Variants in GOLGA3 observed in about 807,000 individuals in gnomAD.
GOLGA3 encodes golgin A3.
In GOLGA3, 75 loss-of-function variants were observed where a neutral mutation model predicts 169.4. The observed-to-expected ratio is 0.44, with a 90% CI of 0.37 to 0.54. GOLGA3 has a LOEUF of 0.54. GOLGA3 is among the 20% of genes least tolerant of loss of function. The pLI, the probability that GOLGA3 is intolerant of heterozygous loss-of-function variation, is 0.00. For missense variants in GOLGA3, 1,899 were observed against 1,930.0 expected, an observed-to-expected ratio of 0.98 and a Z score of 0.30; for synonymous variants, 824 against 822.4, an observed-to-expected ratio of 1.00 and a Z score of -0.03.
intron 2 of GOLGA3, among the ~76,000 whole-genome samples, chr12:132,821,331 CG>C (rs1202475037): frequency 6.6e-6 from 1 of 151,554 alleles, no homozygotes; most frequent in Non-Finnish European, 1.5e-5. Context: ...TGCTTGAACC[CG>C]GGAAGTGGAG....
At position 132,807,914 on chromosome 12, in the gene GOLGA3, A is replaced by ACTC; in HGVS notation, c.1152_1154dup (p.Arg384dup). 1 of 1,528,204 alleles carries ACTC rather than the reference A, an allele frequency of 6.5e-7. No homozygotes were observed. The highest frequency in any genetic ancestry group is 8.8e-7 in the Non-Finnish European group (1 of 1,130,886). 94.7% of individuals were successfully genotyped at this position (1,528,204 alleles called of 1,614,324 possible). On this transcript the variant is annotated inframe_insertion, in exon 5 of 24. Transcript: ENST00000450791. Reference sequence around the variant, plus strand: ...ACCTGCTGCAGATGCTGTCTCTCCGACTCCGCACCTCCCCGTTGACCTCCT... The same window carrying ACTC: ...ACCTGCTGCAGATGCTGTCTCTCCGACTCCTCCGCACCTCCCCGTTGACCTCCT...
At chr12:132,825,058 G>A (rs11830527) in intron 1 of GOLGA3, among the ~76,000 whole-genome samples, 3,596 of 152,296 alleles carry the variant, frequency 0.024, 134 homozygotes, top group African/African-American at 0.081. Flanking sequence ...GGACTCGACT[G>A]CGCCACTGAA....
chr12:132,791,427 C>G (rs1566094879), intron 11 of GOLGA3, 134 bp from the exon 12 acceptor site: 1 of 587,382 alleles, frequency 1.7e-6, no homozygotes, highest in Non-Finnish European at 3.0e-6. Context: ...GGAGGGGACA[C>G]ATCCTCACAG....
chr12:132,788,917 A>AAAGACCCCGCCC (rs2046070370), intron 13 of GOLGA3, 110 bp downstream of exon 13: 1 of 311,174 alleles, frequency 3.2e-6, no homozygotes. Context: ...CCCGACCCAG[A>AAAGACCCCGCCC]CAGACCCCGC....
intron 16 of GOLGA3, chr12:132,783,911 C>T: frequency 1.4e-6 from 2 of 1,431,192 alleles, no homozygotes; most frequent in Non-Finnish European, 1.8e-6. Flanking sequence ...AGCATTTGAA[C>T]TGAGAAGGGT....
In GOLGA3 at chr12:132,794,246, G is replaced by A. The variant is rs538661571; in HGVS notation, c.2469+1606C>T. 5.2e-4 allele frequency among the ~76,000 whole-genome samples: 79 copies of A among 151,614 alleles called. 2 individuals carry two copies. The highest frequency in any genetic ancestry group is 6.9e-3 in the Middle Eastern group (2 of 288). On this transcript the variant is annotated intron_variant, in intron 11 of 23. Transcript: ENST00000450791. ...GCAGTGGCTCACGCCTGTAATCCCAGCACTTCGGGAGGCTGAGGCGGGCAG... is the reference window on the plus strand; with the variant it reads ...GCAGTGGCTCACGCCTGTAATCCCAACACTTCGGGAGGCTGAGGCGGGCAG...
intron 5 of GOLGA3, 32 bp from the exon 6 acceptor site, chr12:132,807,320 G>T (rs769643546): frequency 8.0e-7 from 1 of 1,247,540 alleles, no homozygotes; most frequent in South Asian, 1.3e-5. Context: ...AGGCCTGTGC[G>T]AGCCATCCTC....
intron 4 of GOLGA3, among the ~76,000 whole-genome samples, chr12:132,810,346 C>T (rs949719089): frequency 9.9e-5 from 15 of 151,224 alleles, no homozygotes; most frequent in South Asian, 4.2e-4. Flanking sequence ...TCTGCTTGCA[C>T]GTGTGGGCGG....
intron 2 of GOLGA3, among the ~76,000 whole-genome samples, chr12:132,820,103 G>C (rs1950147979): frequency 6.6e-6 from 1 of 152,060 alleles, no homozygotes; most frequent in Non-Finnish European, 1.5e-5. Context: ...TTGAACCCGG[G>C]AGGCGGAGGT....
At position 132,789,822 on chromosome 12, in the gene GOLGA3, CAGG is replaced by C. The variant is rs199884315; in HGVS notation, c.2548-535_2548-533del. Among the ~76,000 whole-genome samples the C allele has an allele frequency of 5.0e-3, 640 of 128,206 alleles. 2 individuals are homozygous for C. Among genetic ancestry groups the C allele is most frequent in the Middle Eastern group, 0.01 (2 of 194 alleles). 84.1% of individuals were successfully genotyped at this position (128,206 alleles called of 152,430 possible). On this transcript the variant is annotated intron_variant, in intron 12 of 23. Coordinates refer to ENST00000450791, the MANE Select transcript of GOLGA3 (RefSeq NM_001389683.1). ...CCCGAGCTGGCTGATCACCTGAGGTCAGGAGTTCAACCAGCCTGGCCAACAAGG... is the reference window on the plus strand; with the variant it reads ...CCCGAGCTGGCTGATCACCTGAGGTCAGTTCAACCAGCCTGGCCAACAAGG...
rs1338919325 is a variant in GOLGA3, at chr12:132,789,142, GC to G, written c.2695del (p.Ala899ArgfsTer58). The stretch of plus-strand genomic sequence containing the variant: ...CTCTCTGTGCAGGCGCGAGAGCTCC[GC>G]CTCGGCAGTCCGCTTCTCCCCGTGC... ...QVHGEKRTAEAELSRLHREVA... is the reference protein window; with the variant it reads ...QVHGEKRTAEXELSRLHREVA... On this transcript the variant is annotated frameshift_variant, in exon 13 of 24. Coordinates refer to ENST00000450791, the MANE Select transcript of GOLGA3 (RefSeq NM_001389683.1). LOFTEE classifies it high-confidence loss of function. The G allele has an allele frequency of 6.2e-7, 1 of 1,612,778 alleles. No homozygotes were observed. The highest frequency in any genetic ancestry group is 8.5e-7 in the Non-Finnish European group (1 of 1,180,030).
intron 18 of GOLGA3, among the ~76,000 whole-genome samples, chr12:132,779,877 CACGT>C (rs2045472149): frequency 1.6e-5 from 2 of 122,442 alleles, no homozygotes; most frequent in South Asian, 6.8e-4. Context: ...CTCAGGCACA[CACGT>C]GTGTACAGAC....
chr12:132,825,391 G>A (rs1950370621), intron 1 of GOLGA3, among the ~76,000 whole-genome samples: 1 of 152,190 alleles, frequency 6.6e-6, no homozygotes, highest in Non-Finnish European at 1.5e-5. Flanking sequence ...GATCCTTGAA[G>A]ACAGAGACTC....
intron 4 of GOLGA3, among the ~76,000 whole-genome samples, chr12:132,809,899 G>C (rs1319264048): frequency 6.6e-6 from 1 of 152,052 alleles, no homozygotes; most frequent in African/African-American, 2.4e-5. Context: ...TTCCTCAACA[G>C]AACTTTCCTG....
rs1184193970 is a variant in GOLGA3, at chr12:132,822,255, GAGA to G, written c.-130_-128del. 144 of 1,412,358 alleles carry G rather than the reference GAGA, an allele frequency of 1.0e-4. No individual in the cohort carries two copies. The East Asian group carries it at 2.2e-3, about 22-fold the overall frequency. 87.5% of individuals were successfully genotyped at this position (1,412,358 alleles called of 1,614,324 possible). Reference sequence around the variant, plus strand: ...GCCCTACTGTGTCTCCCATTTTCAGGAGAAGATCTGATGACTCACAAATGACTT... The same window carrying G: ...GCCCTACTGTGTCTCCCATTTTCAGGAGATCTGATGACTCACAAATGACTT... On this transcript the variant is annotated 5_prime_UTR_variant, in exon 2 of 24. Coordinates refer to ENST00000450791, the MANE Select transcript of GOLGA3 (RefSeq NM_001389683.1).
At chr12:132,809,430 A>ACCCCCG (rs1297914061) in intron 4 of GOLGA3, among the ~76,000 whole-genome samples, 2 of 74,596 alleles carry the variant, frequency 2.7e-5, no homozygotes, top group Non-Finnish European at 5.7e-5. Flanking sequence ...ACCAACCCCC[A>ACCCCCG]CCCCCGCCCC....
intron 17 of GOLGA3, among the ~76,000 whole-genome samples, chr12:132,781,645 G>C (rs2045613395): frequency 6.6e-6 from 1 of 152,102 alleles, no homozygotes; most frequent in South Asian, 2.1e-4. Context: ...AAAAAGAACA[G>C]AAGTGGTGGG....
In GOLGA3 at chr12:132,789,048, G is replaced by T; in HGVS notation, c.2790C>A (p.Asp930Glu). 1 of 1,575,256 alleles carries T rather than the reference G, an allele frequency of 6.3e-7. No homozygotes were observed. The highest frequency in any genetic ancestry group is 1.1e-5 in the South Asian group (1 of 87,326). The change falls in exon 13 of 24, where the codon GAC becomes GAA. Residue 930 changes from aspartate to glutamate, a missense_variant. Physicochemically the swap from Asp to Glu is conservative, Grantham distance 45 (BLOSUM62 2). Transcript: ENST00000450791. ...AGACCTGCAAGTGTGTTTCCATCTC[G>T]TCTCGCTCCTTCTGCGCCGACTGGA... ...GHLQSAQKERDEMETHLQSLQ... is the reference protein window; with the variant it reads ...GHLQSAQKEREEMETHLQSLQ...
chr12:132,792,617 T>A (rs527461075), intron 11 of GOLGA3, among the ~76,000 whole-genome samples: 3 of 146,706 alleles, frequency 2.0e-5, no homozygotes. Context: ...CCACGGGACC[T>A]GCACTCCGAG....
Sources: gnomAD v4.1 joint callset for allele counts (sites outside exome capture counted in the v4.1 genomes callset) on GRCh38, gnomAD v4.1.1 for gene constraint, MANE v1.5 for transcripts, NCBI Gene and HGNC (gene_info 2026-07-23, HGNC 2026-07-21) for gene names.